FRK: variants seen among roughly 807,000 people sequenced by gnomAD.
The protein encoded by FRK is tyrosine-protein kinase FRK.
Under a neutral mutation model 56.4 loss-of-function variants are expected in FRK, and 51 were observed. That is an observed-to-expected ratio of 0.90 (90% CI 0.72 to 1.14). FRK has a LOEUF of 1.14. FRK is among the 50% of genes most tolerant of loss of function. The pLI is 0.00. For missense variants in FRK, 570 were observed against 601.4 expected (o/e 0.95, Z 0.55); for synonymous variants, 245 against 217.9 (o/e 1.12, Z -1.10).
At chr6:115,953,538 C>G (rs1772870595) in intron 5 of FRK, among the ~76,000 whole-genome samples, 2 of 152,188 alleles carry the variant, frequency 1.3e-5, no homozygotes, top group Admixed American at 1.3e-4. Context: ...AAGGGGCTAT[C>G]TGCAGTGAGC....
At chr6:115,982,236 C>CA (rs765365260) in intron 2 of FRK, among the ~76,000 whole-genome samples, 7 of 152,102 alleles carry the variant, frequency 4.6e-5, no homozygotes, top group African/African-American at 9.7e-5. Context: ...TCCTGGTTCT[C>CA]AAGCCTTTGA....
At chr6:115,958,711 GA>G (rs1326004315) in intron 4 of FRK, among the ~76,000 whole-genome samples, 475 of 9,226 alleles carry the variant, frequency 0.051, 37 homozygotes, top group African/African-American at 0.12. Context: ...AAAGAAGAAA[GA>G]AAGAAAGAAA....
At chr6:115,956,404 G>C (rs141453212) in intron 5 of FRK, 48 bp downstream of exon 5, 2 of 1,402,836 alleles carry the variant, frequency 1.4e-6, no homozygotes, top group African/African-American at 2.9e-5. Flanking sequence ...TATGGGACTA[G>C]CTAAATTAAA....
At chr6:115,956,388 G>C in intron 5 of FRK, 64 bp downstream of exon 5, 2 of 1,249,644 alleles carry the variant, frequency 1.6e-6, no homozygotes, top group Non-Finnish European at 2.1e-6. Context: ...TTGCTAAATT[G>C]ACACTTATGG....
At chr6:116,075,333 C>A in the FRK span, among the ~76,000 whole-genome samples, 9 of 152,016 alleles carry the variant, frequency 5.9e-5, no homozygotes, top group African/African-American at 2.2e-4. Flanking sequence ...CCATATGGAT[C>A]ATTGTGAAGA....
the FRK span, among the ~76,000 whole-genome samples, chr6:116,089,746 A>T: frequency 1.3e-5 from 2 of 152,188 alleles, no homozygotes; most frequent in African/African-American, 4.8e-5. Flanking sequence ...TGTTAACTTA[A>T]TCACCTCTTC....
intron 5 of FRK, among the ~76,000 whole-genome samples, chr6:115,949,098 T>A (rs1463627400): frequency 6.6e-6 from 1 of 152,238 alleles, no homozygotes; most frequent in Admixed American, 6.5e-5. Flanking sequence ...CTATTATTGG[T>A]GTATAGGAAT....
the FRK span, among the ~76,000 whole-genome samples, chr6:116,072,831 GA>G: frequency 6.6e-6 from 1 of 152,138 alleles, no homozygotes; most frequent in African/African-American, 2.4e-5. Flanking sequence ...GATATCTGTG[GA>G]AAGTATAACA....
intron 2 of FRK, chr6:116,002,779 C>G: frequency 2.2e-6 from 1 of 445,706 alleles, no homozygotes; most frequent in Non-Finnish European, 4.6e-6. Flanking sequence ...ACCTGAAGTA[C>G]GGACCCTCGG....
rs545866356 is a variant in FRK, at chr6:116,012,934, T to C, written c.345-8936A>G. Among the ~76,000 whole-genome samples the C allele has an allele frequency of 7.4e-4, 112 of 152,310 alleles. 1 individual carries two copies. The highest frequency in any genetic ancestry group is 6.8e-3 in the Middle Eastern group (2 of 294). ...ATCAAAAATGAAATTGATTTTTCTG[T>C]CCTTTAAAACACAAGCATATCAGGG... is the stretch of plus-strand genomic sequence containing the variant. On this transcript the variant is annotated intron_variant, in intron 1 of 7. Coordinates refer to ENST00000606080, the MANE Select transcript of FRK (RefSeq NM_002031.3).
chr6:116,053,719 TG>T (rs974741904), intron 1 of FRK, among the ~76,000 whole-genome samples: 3 of 152,250 alleles, frequency 2.0e-5, no homozygotes, highest in African/African-American at 7.2e-5. Flanking sequence ...GTTAGTAATT[TG>T]TAGAAAACCT....
chr6:116,093,491 T>C, the FRK span, among the ~76,000 whole-genome samples: 1 of 152,204 alleles, frequency 6.6e-6, no homozygotes, highest in African/African-American at 2.4e-5. Context: ...TGGCCTTTAA[T>C]GAAAAGAATG....
chr6:116,049,269 A>G (rs931885111), intron 1 of FRK, among the ~76,000 whole-genome samples: 1 of 152,144 alleles, frequency 6.6e-6, no homozygotes, highest in Non-Finnish European at 1.5e-5. Flanking sequence ...GCTAAACTCT[A>G]CAACTTGCCA....
chr6:116,060,014 T>C lies in FRK; in HGVS notation c.298A>G (p.Ile100Val), dbSNP rs34704018. Residue 100 changes from isoleucine (I) to valine (V), a missense_variant, in exon 1 of 8, where the codon ATT (isoleucine) becomes GTT (valine). Physicochemically the swap from Ile to Val is conservative, Grantham distance 29. Coordinates refer to ENST00000606080, the MANE Select transcript of FRK (RefSeq NM_002031.3). ...DGSSQQLQGY[I>V]PSNYVAEDRS... ...TCCTCAGCCACGTAGTTAGAAGGAA[T>C]ATAGCCTTGTAGTTGCTGACTGGAG... The C allele has an allele frequency of 2.0e-3, 3,196 of 1,614,192 alleles. 5 individuals carry two copies. The highest frequency in any genetic ancestry group is 2.6e-3 in the Non-Finnish European group (3,050 of 1,180,040).
At chr6:115,945,497 AC>A (rs1284386521) in intron 5 of FRK, among the ~76,000 whole-genome samples, 1 of 152,098 alleles carries the variant, frequency 6.6e-6, no homozygotes, top group African/African-American at 2.4e-5. Flanking sequence ...TGATTTCAAT[AC>A]CACATGTCAC....
chr6:116,060,099 A>C lies in FRK; in HGVS notation c.213T>G (p.Val71=), dbSNP rs771645538. 9 of 1,614,116 alleles carry C rather than the reference A, an allele frequency of 5.6e-6. No homozygotes were observed. Among genetic ancestry groups the C allele is most frequent in the South Asian group, 4.4e-5 (4 of 91,064 alleles). Residue 71 remains valine, a synonymous_variant, in exon 1 of 8, where the codon GTT becomes GTG. Coordinates refer to ENST00000606080, the MANE Select transcript of FRK (RefSeq NM_002031.3). ...LSFRAGDKLQ[V]LDTLHEGWWF... ...ACCAGCCCTCATGCAAAGTGTCCAG[A>C]ACTTGAAGTTTGTCACCTGCTCGGA...
chr6:115,985,222 A>G (rs558092917), intron 2 of FRK, among the ~76,000 whole-genome samples: 1 of 152,274 alleles, frequency 6.6e-6, no homozygotes, highest in East Asian at 1.9e-4. Flanking sequence ...CGTTCCATGC[A>G]TAGTAACTAC....
chr6:116,071,492 C>T, the FRK span, among the ~76,000 whole-genome samples: 1 of 152,292 alleles, frequency 6.6e-6, no homozygotes, highest in East Asian at 1.9e-4. Flanking sequence ...GTGCCATCTT[C>T]AGCCACTGGA....
chr6:116,080,141 A>G, the FRK span, among the ~76,000 whole-genome samples: 1 of 152,128 alleles, frequency 6.6e-6, no homozygotes, highest in African/African-American at 2.4e-5. Context: ...AAATGTTTTT[A>G]AAATCTAGGT....
Sources: allele counts gnomAD v4.1 joint callset (sites outside exome capture counted in the v4.1 genomes callset), GRCh38; gene constraint gnomAD v4.1.1; transcripts MANE v1.5; gene names NCBI Gene and HGNC (gene_info 2026-07-23, HGNC 2026-07-21).